Variants in SUMF1 observed in about 807,000 individuals in gnomAD.
SUMF1 encodes sulfatase modifying factor 1.
A neutral mutation model predicts 47.6 loss-of-function variants in SUMF1; 48 were observed. The observed-to-expected ratio is 1.01, with a 90% confidence interval of 0.80 to 1.28. The LOEUF is 1.28. SUMF1 is among the 50% of genes most tolerant of loss of function. SUMF1 has a pLI of 0.00. For synonymous variants in SUMF1, 230 were observed against 192.1 expected, an observed-to-expected ratio of 1.20 and a Z score of -1.63; for missense variants, 571 against 485.4, an observed-to-expected ratio of 1.18 and a Z score of -1.66.
chr3:4,191,156 C>T (rs1232483146), intron 8 of SUMF1, among the ~76,000 whole-genome samples: 1 of 152,106 alleles, frequency 6.6e-6, no homozygotes, highest in African/African-American at 2.4e-5. Flanking sequence ...AGGGAGGGAC[C>T]AGGAAACTCA....
chr3:4,195,289 A>T (rs1397916689), intron 8 of SUMF1, among the ~76,000 whole-genome samples: 1 of 152,154 alleles, frequency 6.6e-6, no homozygotes, highest in Non-Finnish European at 1.5e-5. Context: ...CAAGTCCCAT[A>T]TAAGTATCAG....
chr3:4,326,283 A>T (rs1244332082), intron 8 of SUMF1, among the ~76,000 whole-genome samples: 2 of 152,130 alleles, frequency 1.3e-5, no homozygotes, highest in South Asian at 2.1e-4. Flanking sequence ...GGCTTTTTTT[A>T]AATTGGCTTT....
intron 8 of SUMF1, among the ~76,000 whole-genome samples, chr3:4,206,070 C>A (rs182388878): frequency 3.9e-5 from 6 of 152,034 alleles, no homozygotes; most frequent in Non-Finnish European, 7.4e-5. Context: ...GGAACTAGGG[C>A]CTGAAATGAG....
chr3:4,305,196 C>T (rs1423156156), intron 8 of SUMF1, among the ~76,000 whole-genome samples: 1 of 152,116 alleles, frequency 6.6e-6, no homozygotes. Context: ...AGCGATTCTT[C>T]CACCTCAGCT....
rs530675248 is a variant in SUMF1, at chr3:4,134,911, G to A, written c.1015-66166C>T. ...TTCTTCAACACATACACTTTCCCAA[G>A]ACTAAATCAGGACGAAGTTGAATCT... On this transcript the variant is annotated intron_variant and NMD_transcript_variant, in intron 8 of 12. Coordinates refer to the SUMF1 transcript ENST00000448413. 2.2e-3 allele frequency among the ~76,000 whole-genome samples: 332 copies of A among 152,216 alleles called. 7 individuals carry two copies. The highest frequency in any genetic ancestry group is 7.5e-3 in the African/African-American group (312 of 41,504).
intron 8 of SUMF1, among the ~76,000 whole-genome samples, chr3:4,162,325 C>G (rs1282286188): frequency 6.6e-6 from 1 of 152,166 alleles, no homozygotes; most frequent in African/African-American, 2.4e-5. Context: ...TGGTGTCTCA[C>G]TAGGTTGCAT....
chr3:4,237,101 C>A (rs1243000471), intron 8 of SUMF1, among the ~76,000 whole-genome samples: 1 of 152,182 alleles, frequency 6.6e-6, no homozygotes, highest in African/African-American at 2.4e-5. Context: ...TAAATAATAT[C>A]ACATCATAGG....
At chr3:4,303,457 T>A in intron 8 of SUMF1, 1 of 1,537,850 alleles carries the variant, frequency 6.5e-7, no homozygotes, top group Admixed American at 2.1e-5. Flanking sequence ...AGCAGCTGGA[T>A]GTCGCGTGCG....
intron 7 of SUMF1, among the ~76,000 whole-genome samples, chr3:4,384,648 T>G (rs1220793178): frequency 1.3e-5 from 2 of 152,208 alleles, no homozygotes; most frequent in African/African-American, 4.8e-5. Flanking sequence ...TCCAGGTTGC[T>G]CTGCATACCA....
intron 1 of SUMF1, among the ~76,000 whole-genome samples, chr3:4,457,094 A>ATATATATACGTGTGTGTATATATATATAT (rs1559313479): frequency 1.2e-4 from 16 of 137,588 alleles, no homozygotes; most frequent in African/African-American, 4.6e-4. Context: ...ATATATATAT[A>ATATATATACGTGTGTGTATATATATATAT]TTTTTTTTGT....
chr3:4,323,335 C>T (rs77519785), intron 8 of SUMF1, among the ~76,000 whole-genome samples: 1,633 of 152,228 alleles, frequency 0.011, 19 homozygotes, highest in African/African-American at 0.036. Flanking sequence ...CTGGAATAGG[C>T]AACTCCATAC....
intron 8 of SUMF1, among the ~76,000 whole-genome samples, chr3:4,220,495 C>T (rs185803544): frequency 2.7e-4 from 41 of 152,086 alleles, no homozygotes; most frequent in African/African-American, 2.2e-4. Context: ...TTATCTAGGA[C>T]GGTTTTCATT....
chr3:4,379,240 A>G (rs921165330), intron 7 of SUMF1, among the ~76,000 whole-genome samples: 3 of 152,232 alleles, frequency 2.0e-5, no homozygotes, highest in Non-Finnish European at 4.4e-5. Context: ...CTAGTGTCTG[A>G]CCTGATTCGG....
intron 8 of SUMF1, among the ~76,000 whole-genome samples, chr3:4,179,638 G>C (rs936558693): frequency 3.9e-5 from 6 of 152,050 alleles, no homozygotes; most frequent in Non-Finnish European, 8.8e-5. Context: ...CATGGGCAAG[G>C]ACTTCATGAC....
intron 8 of SUMF1, among the ~76,000 whole-genome samples, chr3:4,148,417 C>T (rs1694243971): frequency 6.6e-6 from 1 of 152,206 alleles, no homozygotes; most frequent in Non-Finnish European, 1.5e-5. Flanking sequence ...AGTGCTTAGG[C>T]AGATGAGCTA....
chr3:4,234,733 CAGA>C (rs1242783316), intron 8 of SUMF1, among the ~76,000 whole-genome samples: 1 of 151,964 alleles, frequency 6.6e-6, no homozygotes, highest in Non-Finnish European at 1.5e-5. Flanking sequence ...ACTTCAGATG[CAGA>C]AGATGAGAAT....
intron 8 of SUMF1, among the ~76,000 whole-genome samples, chr3:4,250,481 G>T (rs1559612824): frequency 6.6e-6 from 1 of 152,144 alleles, no homozygotes; most frequent in Non-Finnish European, 1.5e-5. Flanking sequence ...AGAAGATATA[G>T]CCAAGATAAT....
chr3:4,457,038 G>GTATATA (rs1313561547), intron 1 of SUMF1, among the ~76,000 whole-genome samples: 1 of 109,258 alleles, frequency 9.2e-6, no homozygotes, highest in Non-Finnish European at 2.1e-5. Context: ...ACGTGTGTGT[G>GTATATA]TATATATATA....
At chr3:4,434,296 C>A (rs879131254) in intron 3 of SUMF1, among the ~76,000 whole-genome samples, 1 of 152,220 alleles carries the variant, frequency 6.6e-6, no homozygotes. Flanking sequence ...GTGTACCATA[C>A]ACACACATAC....
Sources: allele counts gnomAD v4.1 joint callset (sites outside exome capture counted in the v4.1 genomes callset), GRCh38; gene constraint gnomAD v4.1.1; transcripts MANE v1.5; gene names NCBI Gene and HGNC (gene_info 2026-07-23, HGNC 2026-07-21).